ZFAND6: variants seen among roughly 807,000 people sequenced by gnomAD.
The protein encoded by ZFAND6 is zinc finger AN1-type containing 6.
In ZFAND6, 12 loss-of-function variants were observed where a neutral mutation model predicts 24.5. That is an observed-to-expected ratio of 0.49 (90% CI 0.31 to 0.79). The LOEUF is 0.79. ZFAND6 is among the 30% of genes least tolerant of loss of function. The pLI, the probability that ZFAND6 is intolerant of heterozygous loss-of-function variation, is 0.04. For missense variants in ZFAND6, 207 were observed against 245.9 expected (o/e 0.84, Z 1.06); for synonymous variants, 92 against 81.5 (o/e 1.13, Z -0.69).
At chr15:80,059,398 G>T (rs377216577), upstream of ZFAND6, among the ~76,000 whole-genome samples, 72 of 152,348 alleles carry the variant, frequency 4.7e-4, no homozygotes, top group Admixed American at 1.2e-3. Context: ...GGCGGGAAGC[G>T]CCCCAGAGAG....
At position 80,068,691 on chromosome 15, in the gene ZFAND6, C is replaced by T. The variant is rs118064469; in HGVS notation, c.-181+8882C>T. 3.8e-4 allele frequency among the ~76,000 whole-genome samples: 58 copies of T among 152,326 alleles called. No individual in the cohort carries two copies. The East Asian group carries it at 0.011, about 28-fold the overall frequency. ...TCAGCCGGTCTTGAACTTTAGAGCT[C>T]AAGTAATCTGTCTGCCTTGGCCTCT... On this transcript the variant is annotated intron_variant, in intron 1 of 6. Coordinates refer to ENST00000261749, the MANE Select transcript of ZFAND6 (RefSeq NM_019006.4).
intron 2 of ZFAND6, among the ~76,000 whole-genome samples, chr15:80,119,190 C>T (rs1285435215): frequency 6.6e-6 from 1 of 152,150 alleles, no homozygotes; most frequent in Non-Finnish European, 1.5e-5. Flanking sequence ...TTGATTATTG[C>T]TTTCATGTGG....
At chr15:80,105,492 T>C (rs896862404) in intron 2 of ZFAND6, among the ~76,000 whole-genome samples, 2 of 152,212 alleles carry the variant, frequency 1.3e-5, no homozygotes, top group African/African-American at 4.8e-5. Context: ...ACTGCAGATA[T>C]GTGACTTAAA....
rs371685766 is a variant in ZFAND6, at chr15:80,137,567, C to G, written c.566C>G (p.Ala189Gly). ...TGCTCTTACAATTACAAAGCCGATGCTGCTGAGAAAATCAGAAAAGAAAAT... is the reference window on the plus strand; with the variant it reads ...TGCTCTTACAATTACAAAGCCGATGGTGCTGAGAAAATCAGAAAAGAAAAT... Reference protein sequence around the residue: ...HNCSYNYKADAAEKIRKENPV... With the variant: ...HNCSYNYKADGAEKIRKENPV... The change falls in exon 7 of 7, where the codon GCT becomes GGT. Residue 189 changes from alanine to glycine, a missense_variant. By Grantham distance (60) the Ala-to-Gly change is moderately conservative (BLOSUM62 0). This residue lies in a region of ZFAND6 where 45 missense variants were observed against 67.7 expected (regional missense o/e 0.66). Coordinates refer to ENST00000261749, the MANE Select transcript of ZFAND6 (RefSeq NM_019006.4). 1.3e-5 allele frequency: 21 copies of G among 1,605,560 alleles called. No individual in the cohort carries two copies. The highest frequency in any genetic ancestry group is 4.0e-5 in the African/African-American group (3 of 74,308).
intron 2 of ZFAND6, among the ~76,000 whole-genome samples, chr15:80,110,979 C>T (rs1029399814): frequency 6.6e-6 from 1 of 152,248 alleles, no homozygotes; most frequent in Non-Finnish European, 1.5e-5. Flanking sequence ...GGTCTTCCTG[C>T]AAGAAATAGA....
intron 2 of ZFAND6, among the ~76,000 whole-genome samples, chr15:80,118,443 TAAAG>T (rs1046716176): frequency 7.2e-5 from 11 of 152,044 alleles, no homozygotes; most frequent in Admixed American, 5.2e-4. Context: ...CAGATAAACA[TAAAG>T]AAAGCTGCAG....
chr15:80,107,301 G>GAGTA (rs2039383194), intron 2 of ZFAND6, among the ~76,000 whole-genome samples: 1 of 152,170 alleles, frequency 6.6e-6, no homozygotes, highest in Admixed American at 6.5e-5. Flanking sequence ...TTAACTGTGA[G>GAGTA]AGTATGGTGA....
intron 1 of ZFAND6, among the ~76,000 whole-genome samples, chr15:80,083,294 AC>A (rs199832645): frequency 0.014 from 2,094 of 152,224 alleles, 47 homozygotes; most frequent in African/African-American, 0.047. Flanking sequence ...CCTGGCCTAT[AC>A]ATACGTTATT....
At chr15:80,092,027 A>G (rs2038408105) in intron 1 of ZFAND6, among the ~76,000 whole-genome samples, 1 of 151,650 alleles carries the variant, frequency 6.6e-6, no homozygotes, top group Non-Finnish European at 1.5e-5. Flanking sequence ...CTGATAATGA[A>G]GAAATGCTTT....
intron 6 of ZFAND6, among the ~76,000 whole-genome samples, chr15:80,132,130 T>G (rs1215390712): frequency 2.0e-5 from 3 of 152,184 alleles, no homozygotes; most frequent in Non-Finnish European, 2.9e-5. Flanking sequence ...GACTAAAAAC[T>G]TATACAGTTG....
chr15:80,104,455 G>T (rs1202833370), intron 2 of ZFAND6, among the ~76,000 whole-genome samples: 1 of 152,128 alleles, frequency 6.6e-6, no homozygotes, highest in Admixed American at 6.5e-5. Context: ...GGAGGTAGAG[G>T]TTGCAGTGAG....
intron 1 of ZFAND6, among the ~76,000 whole-genome samples, chr15:80,098,027 A>G (rs1400370149): frequency 6.6e-6 from 1 of 152,204 alleles, no homozygotes; most frequent in African/African-American, 2.4e-5. Context: ...GTCCGGTGCT[A>G]TGACATGTAT....
intron 5 of ZFAND6, chr15:80,130,480 A>G (rs1310464386): frequency 6.6e-6 from 1 of 152,170 alleles, no homozygotes; most frequent in Non-Finnish European, 1.5e-5. Context: ...GCAAGGTCAT[A>G]TTATATGATT....
intron 1 of ZFAND6, among the ~76,000 whole-genome samples, chr15:80,067,057 C>G (rs1333076375): frequency 4.9e-4 from 74 of 152,262 alleles, no homozygotes; most frequent in Non-Finnish European, 1.5e-4. Context: ...AAGAGAACTG[C>G]TGGCACAAAT....
At chr15:80,104,657 C>T (rs2039223742) in intron 2 of ZFAND6, among the ~76,000 whole-genome samples, 1 of 152,124 alleles carries the variant, frequency 6.6e-6, no homozygotes, top group Admixed American at 6.5e-5. Flanking sequence ...CTTATGTTAT[C>T]TGGGGTAATA....
intron 1 of ZFAND6, among the ~76,000 whole-genome samples, chr15:80,089,551 C>CAGCCT (rs2038219347): frequency 6.6e-6 from 1 of 152,050 alleles, no homozygotes; most frequent in South Asian, 2.1e-4. Context: ...CCACCACTCC[C>CAGCCT]AGCCTAGCCT....
chr15:80,085,013 C>G (rs1049817810), intron 1 of ZFAND6, among the ~76,000 whole-genome samples: 1 of 152,222 alleles, frequency 6.6e-6, no homozygotes, highest in African/African-American at 2.4e-5. Context: ...TAACTCCTCA[C>G]AGAATCTTTG....
chr15:80,087,095 T>C (rs970927593), intron 1 of ZFAND6, among the ~76,000 whole-genome samples: 5 of 152,240 alleles, frequency 3.3e-5, no homozygotes, highest in Admixed American at 2.0e-4. Context: ...TTATGCTTTG[T>C]CTGTTGTGAA....
At chr15:80,131,315 T>G (rs575828261) in intron 6 of ZFAND6, 22 bp downstream of exon 6, 1 of 1,587,644 alleles carries the variant, frequency 6.3e-7, no homozygotes, top group South Asian at 1.1e-5. Context: ...AATCAAATGT[T>G]TAAAATTAAA....
Sources: allele counts gnomAD v4.1 joint callset (sites outside exome capture counted in the v4.1 genomes callset), GRCh38; gene constraint gnomAD v4.1.1; regional missense constraint gnomAD v4.1.1; transcripts MANE v1.5; gene names NCBI Gene and HGNC (gene_info 2026-07-23, HGNC 2026-07-21).